Variants in ADARB2 observed in about 807,000 individuals in gnomAD.
ADARB2 encodes inactive double-stranded RNA-specific editase B2.
Under a neutral mutation model 62.2 loss-of-function variants are expected in ADARB2, and 25 were observed. That is an observed-to-expected ratio of 0.40 (90% CI 0.29 to 0.56). The LOEUF is 0.56. Ranked by LOEUF, ADARB2 falls within the 20% of genes least tolerant of loss-of-function variation. The probability of loss-of-function intolerance (pLI) is 0.43; values close to 1 mark genes in which losing one functional copy is unlikely to be tolerated. For synonymous variants in ADARB2, 572 were observed against 500.8 expected, an observed-to-expected ratio of 1.14 and a Z score of -1.90; for missense variants, 1,071 against 1,077.4, an observed-to-expected ratio of 0.99 and a Z score of 0.08.
chr10:1,351,843 G>A (rs977362219), intron 3 of ADARB2, among the ~76,000 whole-genome samples: 15 of 151,082 alleles, frequency 9.9e-5, no homozygotes, highest in African/African-American at 3.5e-4. Flanking sequence ...CCTAAAACCA[G>A]ACAAGGCTTA....
chr10:1,369,337 G>A (rs1161894043), intron 2 of ADARB2, among the ~76,000 whole-genome samples: 1 of 152,098 alleles, frequency 6.6e-6, no homozygotes, highest in African/African-American at 2.4e-5. Context: ...TCTTAGATCC[G>A]AATTCCTGCA....
intron 3 of ADARB2, among the ~76,000 whole-genome samples, chr10:1,311,737 C>T (rs991660736): frequency 3.3e-5 from 5 of 152,312 alleles, no homozygotes; most frequent in African/African-American, 1.2e-4. Flanking sequence ...CACTGGGACC[C>T]CTGTCACTGC....
chr10:1,728,415 C>T (rs1199472992), intron 1 of ADARB2, among the ~76,000 whole-genome samples: 2 of 152,190 alleles, frequency 1.3e-5, no homozygotes, highest in African/African-American at 2.4e-5. Flanking sequence ...TATTAGACTG[C>T]TGCTGTTCTA....
intron 1 of ADARB2, among the ~76,000 whole-genome samples, chr10:1,669,156 C>T (rs1834348943): frequency 6.6e-6 from 1 of 152,166 alleles, no homozygotes; most frequent in Admixed American, 6.5e-5. Context: ...GAGGTGGTAC[C>T]TCCCAGGTGC....
In ADARB2 at chr10:1,609,119, C is replaced by T. The variant is rs566183976; in HGVS notation, c.100+127932G>A. On this transcript the variant is annotated intron_variant, in intron 1 of 9. Transcript: ENST00000381312. Reference sequence around the variant, plus strand: ...TGCCCGGCGTCGCTGGCCTTTGGTCCCCTTTCAGGGAGCCTGACCCTGCTC... The same window carrying T: ...TGCCCGGCGTCGCTGGCCTTTGGTCTCCTTTCAGGGAGCCTGACCCTGCTC... Among the ~76,000 whole-genome samples the T allele has an allele frequency of 7.2e-5, 11 of 152,334 alleles. No homozygotes were observed. In the South Asian group the frequency reaches 2.3e-3, roughly 32 times the overall value.
chr10:1,317,583 T>C (rs1831750609), intron 3 of ADARB2, among the ~76,000 whole-genome samples: 1 of 152,206 alleles, frequency 6.6e-6, no homozygotes, highest in Non-Finnish European at 1.5e-5. Flanking sequence ...GGCGCTATCT[T>C]CTGGTTTGGG....
intron 1 of ADARB2, among the ~76,000 whole-genome samples, chr10:1,421,325 C>A (rs1484140932): frequency 6.6e-6 from 1 of 151,816 alleles, no homozygotes; most frequent in East Asian, 1.9e-4. Context: ...CCACGCTCAG[C>A]TGTGAGGAGA....
chr10:1,475,573 A>T (rs1178555658), intron 1 of ADARB2, among the ~76,000 whole-genome samples: 1 of 152,240 alleles, frequency 6.6e-6, no homozygotes, highest in African/African-American at 2.4e-5. Context: ...TTGGAAGAGA[A>T]GGAGACACAC....
At chr10:1,603,018 ATACACACAT>A (rs386739874) in intron 1 of ADARB2, among the ~76,000 whole-genome samples, 1,931 of 90,494 alleles carry the variant, frequency 0.021, 26 homozygotes, top group Non-Finnish European at 0.033. Flanking sequence ...GTACACACAC[ATACACACAT>A]CAATATAAAC....
chr10:1,468,324 C>T (rs1361868457), intron 1 of ADARB2, among the ~76,000 whole-genome samples: 1 of 152,134 alleles, frequency 6.6e-6, no homozygotes, highest in Non-Finnish European at 1.5e-5. Flanking sequence ...GGAAAGCAGT[C>T]TCCACACTCT....
intron 1 of ADARB2, among the ~76,000 whole-genome samples, chr10:1,715,654 T>A (rs1485945518): frequency 6.6e-6 from 1 of 152,210 alleles, no homozygotes; most frequent in Non-Finnish European, 1.5e-5. Flanking sequence ...CTAGTTCTTA[T>A]TTTCAAGCAG....
At chr10:1,556,877 T>C in intron 1 of ADARB2, 1 of 525,730 alleles carries the variant, frequency 1.9e-6, no homozygotes, top group Non-Finnish European at 3.9e-6. Flanking sequence ...GAAGGTTTGG[T>C]ACCTGAATGA....
intron 1 of ADARB2, among the ~76,000 whole-genome samples, chr10:1,516,171 G>A (rs528781766): frequency 6.6e-6 from 1 of 152,190 alleles, no homozygotes; most frequent in Admixed American, 6.5e-5. Flanking sequence ...GCTCAAGGCC[G>A]GCCTCATTGC....
intron 1 of ADARB2, among the ~76,000 whole-genome samples, chr10:1,694,703 G>A (rs1834715986): frequency 1.3e-5 from 2 of 152,182 alleles, no homozygotes; most frequent in South Asian, 2.1e-4. Context: ...AGGTACATTT[G>A]GACAATTAGA....
At chr10:1,705,781 C>T (rs193017878) in intron 1 of ADARB2, among the ~76,000 whole-genome samples, 38 of 152,258 alleles carry the variant, frequency 2.5e-4, no homozygotes, top group African/African-American at 6.7e-4. Context: ...AGCTGCCGTC[C>T]GCCTCTGTGG....
intron 1 of ADARB2, among the ~76,000 whole-genome samples, chr10:1,572,123 G>GCAGGTGAGTGTGCAGGTGAGTGGA (rs1199368922): frequency 1.4e-5 from 2 of 148,116 alleles, no homozygotes; most frequent in East Asian, 4.1e-4. Context: ...AGGTGAGTAG[G>GCAGGTGAGTGTGCAGGTGAGTGGA]CAGGTGAGTG....
At chr10:1,673,202 C>T (rs183329249) in intron 1 of ADARB2, among the ~76,000 whole-genome samples, 17 of 152,214 alleles carry the variant, frequency 1.1e-4, no homozygotes, top group African/African-American at 4.1e-4. Flanking sequence ...ATTGTAAAAA[C>T]ATGAATTTTA....
At chr10:1,313,219 A>G (rs1447400794) in intron 3 of ADARB2, among the ~76,000 whole-genome samples, 1 of 151,808 alleles carries the variant, frequency 6.6e-6, no homozygotes, top group Non-Finnish European at 1.5e-5. Context: ...CTTTGGGGAG[A>G]AGGGTGAAGG....
intron 1 of ADARB2, among the ~76,000 whole-genome samples, chr10:1,620,218 A>C (rs1833690042): frequency 6.6e-6 from 1 of 152,164 alleles, no homozygotes; most frequent in Admixed American, 6.5e-5. Flanking sequence ...CAAAAAAATC[A>C]ACAAATTGAC....
Sources: gnomAD v4.1 joint callset for allele counts (sites outside exome capture counted in the v4.1 genomes callset) on GRCh38, gnomAD v4.1.1 for gene constraint, MANE v1.5 for transcripts, NCBI Gene and HGNC (gene_info 2026-07-23, HGNC 2026-07-21) for gene names.